Variants in TMPRSS11D observed in about 807,000 individuals in gnomAD.
TMPRSS11D encodes the protein transmembrane serine protease 11D, also known as transmembrane protease serine 11D.
A neutral mutation model predicts 44.4 loss-of-function variants in TMPRSS11D; 32 were observed. The observed-to-expected ratio is 0.72, with a 90% CI of 0.54 to 0.97. TMPRSS11D has a LOEUF of 0.97. Ranked by LOEUF, TMPRSS11D falls within the 50% of genes least tolerant of loss-of-function variation. The pLI, the probability that TMPRSS11D is intolerant of heterozygous loss-of-function variation, is 0.00. For missense variants in TMPRSS11D, 446 were observed against 502.6 expected, an observed-to-expected ratio of 0.89 and a Z score of 1.08; for synonymous variants, 179 against 177.9, an observed-to-expected ratio of 1.01 and a Z score of -0.05.
intron 2 of TMPRSS11D, among the ~76,000 whole-genome samples, chr4:67,856,341 A>G (rs905441914): frequency 6.6e-6 from 1 of 152,182 alleles, no homozygotes; most frequent in African/African-American, 2.4e-5. Context: ...CCTACAGCCA[A>G]CTGAATTTCA....
chr4:67,867,269 G>T (rs1176840369), intron 1 of TMPRSS11D, among the ~76,000 whole-genome samples: 1 of 151,954 alleles, frequency 6.6e-6, no homozygotes, highest in African/African-American at 2.4e-5. Flanking sequence ...TGGTAAAATT[G>T]GACTGCTGTA....
intron 1 of TMPRSS11D, among the ~76,000 whole-genome samples, chr4:67,869,858 G>A (rs1026675458): frequency 3.3e-5 from 5 of 152,170 alleles, no homozygotes; most frequent in African/African-American, 7.2e-5. Context: ...AAGGTCAAAG[G>A]TTTAATTTTA....
chr4:67,871,180 A>G (rs1358482969), intron 1 of TMPRSS11D, among the ~76,000 whole-genome samples: 1 of 152,168 alleles, frequency 6.6e-6, no homozygotes, highest in Non-Finnish European at 1.5e-5. Context: ...TTTATTCATT[A>G]GTCAAGCTAA....
intron 1 of TMPRSS11D, among the ~76,000 whole-genome samples, 164 bp from the exon 2 acceptor site, chr4:67,859,842 C>T (rs1014320437): frequency 1.3e-5 from 2 of 151,964 alleles, no homozygotes; most frequent in African/African-American, 4.8e-5. Flanking sequence ...CAAGGCTGTC[C>T]GTAGTGGTTT....
intron 7 of TMPRSS11D, among the ~76,000 whole-genome samples, chr4:67,831,241 G>A (rs1717936805): frequency 1.3e-5 from 2 of 152,008 alleles, no homozygotes; most frequent in African/African-American, 4.8e-5. Context: ...CATAGAAGAG[G>A]TGATAATTCA....
At position 67,833,343 on chromosome 4, in the gene TMPRSS11D, G is replaced by A; in HGVS notation, c.553C>T (p.Gln185Ter). The stretch of plus-strand genomic sequence containing the variant: ...GCCTCAGTGCCTCCAAGGATTCTCT[G>A]CTCAGACAATGTTATTAGGTCTGGA... ...AGPDLITLSE[Q>*]RILGGTEAEE... The change falls in exon 7 of 10, where the codon CAG becomes TAG. Residue 185 changes from glutamine to a stop codon, truncating the protein, a stop_gained. Coordinates refer to ENST00000283916, the MANE Select transcript of TMPRSS11D (RefSeq NM_004262.3). LOFTEE classifies it high-confidence loss of function. 2 of 1,586,640 alleles carry A rather than the reference G, an allele frequency of 1.3e-6. No homozygotes were observed. The highest frequency in any genetic ancestry group is 2.3e-5 in the East Asian group (1 of 42,574).
At chr4:67,851,735 C>T (rs1044718486) in intron 3 of TMPRSS11D, among the ~76,000 whole-genome samples, 2 of 152,138 alleles carry the variant, frequency 1.3e-5, no homozygotes, top group African/African-American at 2.4e-5. Flanking sequence ...TTTCGGTTTC[C>T]TCTTCTAGCC....
chr4:67,842,716 G>T, intron 3 of TMPRSS11D, 91 bp from the exon 4 acceptor site: 1 of 1,189,622 alleles, frequency 8.4e-7, no homozygotes, highest in Non-Finnish European at 1.2e-6. Context: ...TGTTAATGAG[G>T]AGTAGAAAAC....
At chr4:67,854,310 G>T (rs541417145) in intron 2 of TMPRSS11D, 124 bp from the exon 3 acceptor site, 4 of 531,684 alleles carry the variant, frequency 7.5e-6, no homozygotes, top group South Asian at 2.6e-5. Context: ...GAAAGAAAAA[G>T]TTCTATGCTT....
At chr4:67,840,151 G>T (rs1310959714) in intron 4 of TMPRSS11D, among the ~76,000 whole-genome samples, 6 of 151,970 alleles carry the variant, frequency 3.9e-5, no homozygotes, top group African/African-American at 1.5e-4. Context: ...TACATCATGA[G>T]GTGTGTATTA....
At chr4:67,825,280 G>T (rs1006037121) in intron 9 of TMPRSS11D, among the ~76,000 whole-genome samples, 1 of 151,838 alleles carries the variant, frequency 6.6e-6, no homozygotes, top group East Asian at 1.9e-4. Context: ...GCAGTTAAAA[G>T]GTTGAGGTTA....
At position 67,838,286 on chromosome 4, in the gene TMPRSS11D, G is replaced by A; in HGVS notation, c.361C>T (p.Gln121Ter). 6.3e-7 allele frequency: 1 copy of A among 1,596,356 alleles called. No individual in the cohort carries two copies. The highest frequency in any genetic ancestry group is 8.5e-7 in the Non-Finnish European group (1 of 1,172,740). ...GVRADVVMKF[Q>*]FTRNNNGASM... ...GCTCCATTGTTATTTCTAGTGAATTGAAATTTCATGACAACATCCGCTCTC... is the reference window on the plus strand; with the variant it reads ...GCTCCATTGTTATTTCTAGTGAATTAAAATTTCATGACAACATCCGCTCTC... Residue 121 changes from glutamine (Q) to a stop codon, truncating the protein, a stop_gained, in exon 5 of 10, where the codon CAA becomes TAA. Transcript: ENST00000283916. LOFTEE classifies it high-confidence loss of function.
chr4:67,860,092 AT>A (rs757674196), intron 1 of TMPRSS11D, among the ~76,000 whole-genome samples: 20 of 152,150 alleles, frequency 1.3e-4, no homozygotes, highest in Non-Finnish European at 2.5e-4. Context: ...CTGAAGAGAG[AT>A]CATTTGGGTG....
Position 67,842,598 on chromosome 4 carries a change from A to C in TMPRSS11D, c.277T>G (p.Leu93Val). 1 of 1,605,890 alleles carries C rather than the reference A, an allele frequency of 6.2e-7. No individual in the cohort carries two copies. Among genetic ancestry groups the C allele is most frequent in the South Asian group, 1.1e-5 (1 of 88,540 alleles). Residue 93 changes from leucine (L) to valine (V), a missense_variant, in exon 4 of 10, where the codon TTA becomes GTA. Leu to Val is a conservative substitution (Grantham distance 32). Transcript: ENST00000283916. ...TGAGCTCTGATGAACTGATTTCTTA[A>C]ATTTGATTCTTTGAATGTTTTAGTA... Reference protein sequence around the residue: ...LITKTFKESNLRNQFIRAHVA... With the variant: ...LITKTFKESNVRNQFIRAHVA...
rs1482113615 is a variant in TMPRSS11D, at chr4:67,825,912, G to A, written c.953-38C>T. On this transcript the variant is annotated intron_variant, in intron 8 of 9. Transcript: ENST00000283916. ...AAAGCAGGAAAAAAATGGACTTCAA[G>A]ATGTGTACATTATTGACCCTATAAT... 9.4e-6 allele frequency: 15 copies of A among 1,592,002 alleles called. No individual in the cohort carries two copies. In the Admixed American group the frequency reaches 2.5e-4, roughly 27 times the overall value.
chr4:67,852,292 T>C (rs1478680596), intron 3 of TMPRSS11D, among the ~76,000 whole-genome samples: 2 of 152,128 alleles, frequency 1.3e-5, no homozygotes, highest in African/African-American at 4.8e-5. Context: ...GAGGACCCTG[T>C]CATTGGTGGG....
At chr4:67,875,635 A>G (rs188725749) in intron 1 of TMPRSS11D, among the ~76,000 whole-genome samples, 1 of 152,364 alleles carries the variant, frequency 6.6e-6, no homozygotes, top group East Asian at 1.9e-4. Flanking sequence ...AGACTGGACT[A>G]ATTGGGTTCA....
intron 1 of TMPRSS11D, among the ~76,000 whole-genome samples, chr4:67,867,658 G>T (rs762647671): frequency 2.8e-4 from 43 of 152,106 alleles, no homozygotes; most frequent in Middle Eastern, 3.4e-3. Flanking sequence ...CCCTTAAAGA[G>T]TGGGCTAAGG....
At chr4:67,839,696 G>C (rs1209691821) in intron 4 of TMPRSS11D, among the ~76,000 whole-genome samples, 1 of 151,766 alleles carries the variant, frequency 6.6e-6, no homozygotes, top group Non-Finnish European at 1.5e-5. Context: ...AAATTTATCT[G>C]TTTCCGAGAT....
Sources: allele counts gnomAD v4.1 joint callset (sites outside exome capture counted in the v4.1 genomes callset), GRCh38; gene constraint gnomAD v4.1.1; transcripts MANE v1.5; gene names NCBI Gene and HGNC (gene_info 2026-07-23, HGNC 2026-07-21).